HPF1: variants seen among roughly 807,000 people sequenced by gnomAD.
The protein encoded by HPF1 is histone PARylation factor 1.
In HPF1, 35 loss-of-function variants were observed where a neutral mutation model predicts 38.8. The ratio of observed to expected loss-of-function variants is 0.90; its 90% CI spans 0.69 to 1.19. The LOEUF (loss-of-function observed/expected upper bound fraction) is 1.19, where lower values mean the gene tolerates loss of function less well. Ranked by LOEUF, HPF1 falls within the 50% of genes most tolerant of loss-of-function variation. HPF1 has a pLI of 0.00. For synonymous variants in HPF1, 115 were observed against 139.2 expected (o/e 0.83, Z 1.22); for missense variants, 367 against 405.8 (o/e 0.90, Z 0.82).
chr4:169,732,553 C>T (rs1733843494), intron 6 of HPF1, among the ~76,000 whole-genome samples: 1 of 152,166 alleles, frequency 6.6e-6, no homozygotes, highest in Admixed American at 6.5e-5. Flanking sequence ...AAACCTGGCT[C>T]ACCCTGTGTT....
intron 5 of HPF1, among the ~76,000 whole-genome samples, chr4:169,739,009 G>T (rs1256158040): frequency 6.6e-6 from 1 of 151,716 alleles, no homozygotes; most frequent in African/African-American, 2.4e-5. Flanking sequence ...GGAGGAGGGA[G>T]GGATAGCATT....
chr4:169,755,921 A>G (rs1249830843), intron 1 of HPF1, among the ~76,000 whole-genome samples: 1 of 152,200 alleles, frequency 6.6e-6, no homozygotes, highest in African/African-American at 2.4e-5. Context: ...TGTTTGTTAC[A>G]TTACTTAACA....
At chr4:169,738,795 A>C (rs149905278) in intron 5 of HPF1, among the ~76,000 whole-genome samples, 2,596 of 152,322 alleles carry the variant, frequency 0.017, 76 homozygotes, top group African/African-American at 0.06. Flanking sequence ...TACACCATGG[A>C]ATACTATGCA....
Position 169,753,794 on chromosome 4 carries a change from T to C in HPF1, c.90A>G (p.Glu30=). The C allele has an allele frequency of 6.2e-7, 1 of 1,610,874 alleles. No individual in the cohort carries two copies. The highest frequency in any genetic ancestry group is 8.5e-7 in the Non-Finnish European group (1 of 1,179,352). The change falls in exon 2 of 8, where the codon GAA becomes GAG. Residue 30 remains glutamate (E), a synonymous_variant. Transcript: ENST00000393381. The part of the protein sequence containing the change: ...TTDVKKSKFC[E]ADVSSDLRKE... ...TTCGAAGGTCACTGGAGACATCAGC[T>C]TCACAGAATTTACTTTTCTTCACAT... is the stretch of plus-strand genomic sequence containing the variant.
At position 169,753,762 on chromosome 4, in the gene HPF1, ACTT is replaced by A. The variant is rs1420796726; in HGVS notation, c.119_121del (p.Glu40del). The A allele has an allele frequency of 1.2e-6, 2 of 1,613,404 alleles. No homozygotes were observed. Among genetic ancestry groups the A allele is most frequent in the Non-Finnish European group, 1.7e-6 (2 of 1,179,562 alleles). On this transcript the variant is annotated inframe_deletion, in exon 2 of 8. Transcript: ENST00000393381. ...TAAAGAAAGCTTATAATGATTTTCT[ACTT>A]CTTTTCGAAGGTCACTGGAGACATC...
chr4:169,756,319 C>A (rs570034048), intron 1 of HPF1, among the ~76,000 whole-genome samples: 46 of 152,268 alleles, frequency 3.0e-4, no homozygotes, highest in Non-Finnish European at 4.4e-4. Flanking sequence ...AATCTGGGTC[C>A]ACAGCAGATC....
At chr4:169,755,774 G>A (rs1245740701) in intron 1 of HPF1, among the ~76,000 whole-genome samples, 1 of 152,148 alleles carries the variant, frequency 6.6e-6, no homozygotes, top group Non-Finnish European at 1.5e-5. Context: ...TTTTTAAAAG[G>A]CAAGGGAAAA....
chr4:169,753,934 T>G, intron 1 of HPF1, 99 bp from the exon 2 acceptor site: 1 of 913,368 alleles, frequency 1.1e-6, no homozygotes, highest in Non-Finnish European at 1.7e-6. Flanking sequence ...ATGAAATACA[T>G]GTGTTTTCCT....
intron 3 of HPF1, among the ~76,000 whole-genome samples, chr4:169,750,099 T>C (rs866747908): frequency 2.6e-5 from 4 of 152,204 alleles, no homozygotes; most frequent in Admixed American, 6.5e-5. Flanking sequence ...ATCAGGTATG[T>C]ACAGTTATCC....
At chr4:169,744,325 G>T (rs1202603038) in intron 4 of HPF1, among the ~76,000 whole-genome samples, 1 of 152,030 alleles carries the variant, frequency 6.6e-6, no homozygotes, top group Non-Finnish European at 1.5e-5. Flanking sequence ...TGCCACTATT[G>T]AAGGCACTTG....
chr4:169,732,136 G>A (rs1054860324), intron 6 of HPF1: 9 of 230,278 alleles, frequency 3.9e-5, no homozygotes, highest in African/African-American at 8.8e-5. Flanking sequence ...TTACAGTCAC[G>A]ATTTTTTTTT....
chr4:169,734,737 A>G (rs147631399), intron 6 of HPF1, among the ~76,000 whole-genome samples: 1,662 of 152,304 alleles, frequency 0.011, 16 homozygotes, highest in Middle Eastern at 0.058. Flanking sequence ...CACTACTATC[A>G]ACTAGAATAC....
chr4:169,747,914 G>A (rs988473669), intron 4 of HPF1, among the ~76,000 whole-genome samples: 2 of 152,194 alleles, frequency 1.3e-5, no homozygotes, highest in Non-Finnish European at 1.5e-5. Flanking sequence ...GAGGCAAAGA[G>A]TAGGGCATCC....
chr4:169,742,112 A>G lies in HPF1; in HGVS notation c.498-5T>C. 3 of 1,608,298 alleles carry G rather than the reference A, an allele frequency of 1.9e-6. No individual in the cohort carries two copies. The highest frequency in any genetic ancestry group is 2.5e-6 in the Non-Finnish European group (3 of 1,178,090). Reference sequence around the variant, plus strand: ...AGTTTTTTCGTCAAAAATAATCTGAAAAAGAAGTAAAAGTCCGCATTATGT... The same window carrying G: ...AGTTTTTTCGTCAAAAATAATCTGAGAAAGAAGTAAAAGTCCGCATTATGT... On this transcript the variant is annotated splice_polypyrimidine_tract_variant and splice_region_variant and intron_variant, in intron 4 of 7. Transcript: ENST00000393381.
intron 5 of HPF1, among the ~76,000 whole-genome samples, chr4:169,740,742 G>T (rs1253911632): frequency 6.6e-6 from 1 of 151,814 alleles, no homozygotes; most frequent in African/African-American, 2.4e-5. Flanking sequence ...ATAGGGGAGG[G>T]GTCTAGGACA....
At chr4:169,747,009 A>T (rs1392645882) in intron 4 of HPF1, among the ~76,000 whole-genome samples, 1 of 143,068 alleles carries the variant, frequency 7.0e-6, no homozygotes, top group African/African-American at 2.7e-5. Flanking sequence ...AAAAAAAAAC[A>T]TGACTAATAA....
At chr4:169,750,475 CTATT>C (rs1409918896) in intron 3 of HPF1, 57 bp downstream of exon 3, 1 of 1,260,048 alleles carries the variant, frequency 7.9e-7, no homozygotes, top group African/African-American at 1.5e-5. Context: ...TAGTGAATAA[CTATT>C]TATCCTCATT....
chr4:169,732,139 T>C (rs1332442492), intron 6 of HPF1: 3 of 10,838 alleles, frequency 2.8e-4, no homozygotes, highest in African/African-American at 1.0e-3. Flanking sequence ...CAGTCACGAT[T>C]TTTTTTTTTT....
At chr4:169,744,949 T>TAA in intron 4 of HPF1, among the ~76,000 whole-genome samples, 1 of 84,366 alleles carries the variant, frequency 1.2e-5, no homozygotes, top group Non-Finnish European at 2.5e-5. Context: ...TTTATAGTAC[T>TAA]GACTGTACAA....
Sources: gnomAD v4.1 joint callset for allele counts (sites outside exome capture counted in the v4.1 genomes callset) on GRCh38, gnomAD v4.1.1 for gene constraint, MANE v1.5 for transcripts, NCBI Gene and HGNC (gene_info 2026-07-23, HGNC 2026-07-21) for gene names.